The following PCDH9 variants were observed in gnomAD, a reference collection of about 807,000 sequenced individuals.
PCDH9 encodes protocadherin 9.
Under a neutral mutation model 70.6 loss-of-function variants are expected in PCDH9, and 24 were observed. The observed-to-expected ratio is 0.34, with a 90% CI of 0.25 to 0.48. The LOEUF is 0.48. Ranked by LOEUF, PCDH9 falls within the 20% of genes least tolerant of loss-of-function variation. The pLI, the probability that PCDH9 is intolerant of heterozygous loss-of-function variation, is 0.99. For missense variants in PCDH9, 1,281 were observed against 1,503.6 expected, an observed-to-expected ratio of 0.85 and a Z score of 2.45; for synonymous variants, 562 against 558.5, an observed-to-expected ratio of 1.01 and a Z score of -0.09.
chr13:66,538,489 A>G (rs1960803032), intron 4 of PCDH9, among the ~76,000 whole-genome samples: 1 of 152,144 alleles, frequency 6.6e-6, no homozygotes, highest in Non-Finnish European at 1.5e-5. Context: ...AACCAACAGG[A>G]CATATATACA....
intron 4 of PCDH9, among the ~76,000 whole-genome samples, chr13:66,545,066 A>T (rs1235283446): frequency 6.6e-6 from 1 of 152,146 alleles, no homozygotes; most frequent in Non-Finnish European, 1.5e-5. Context: ...GTTCAAGCAA[A>T]CCTAGATGTC....
intron 4 of PCDH9, among the ~76,000 whole-genome samples, chr13:66,572,947 G>T (rs963151695): frequency 6.6e-6 from 1 of 151,854 alleles, no homozygotes; most frequent in African/African-American, 2.4e-5. Context: ...TTTTGTAGCG[G>T]GGACTCATGA....
At chr13:67,142,046 TG>T (rs1199897147) in intron 2 of PCDH9, among the ~76,000 whole-genome samples, 4 of 152,168 alleles carry the variant, frequency 2.6e-5, no homozygotes, top group African/African-American at 9.7e-5. Context: ...GTGGTGTTGG[TG>T]ACTGCTATTT....
At chr13:66,688,807 A>G (rs538423441) in intron 3 of PCDH9, among the ~76,000 whole-genome samples, 8 of 152,186 alleles carry the variant, frequency 5.3e-5, no homozygotes, top group Middle Eastern at 3.4e-3. Context: ...CTATTACCTC[A>G]TTTCCCTTCC....
At chr13:67,155,148 C>G (rs1372287360) in intron 2 of PCDH9, among the ~76,000 whole-genome samples, 1 of 152,142 alleles carries the variant, frequency 6.6e-6, no homozygotes, top group Non-Finnish European at 1.5e-5. Context: ...CCAATTTGCC[C>G]TTTTAAACTT....
chr13:66,604,932 C>A (rs2077205001), intron 4 of PCDH9, among the ~76,000 whole-genome samples: 1 of 151,866 alleles, frequency 6.6e-6, no homozygotes, highest in African/African-American at 2.4e-5. Context: ...AAAATTCCAG[C>A]TACATAAAGT....
intron 4 of PCDH9, among the ~76,000 whole-genome samples, chr13:66,597,016 T>A (rs1259948435): frequency 1.3e-5 from 2 of 151,656 alleles, no homozygotes; most frequent in African/African-American, 4.8e-5. Flanking sequence ...CCAATTGACT[T>A]AGTATCATTT....
intron 2 of PCDH9, among the ~76,000 whole-genome samples, chr13:67,125,512 T>C (rs2086959617): frequency 6.6e-6 from 1 of 151,956 alleles, no homozygotes; most frequent in Non-Finnish European, 1.5e-5. Context: ...TACAGAAAAA[T>C]CACAGCATAA....
intron 2 of PCDH9, among the ~76,000 whole-genome samples, chr13:67,127,145 T>G (rs4883795): frequency 0.23 from 35,338 of 152,064 alleles, 4,219 homozygotes; most frequent in Middle Eastern, 0.28. Context: ...AATAGTAAAT[T>G]AATTGAATTG....
At chr13:66,806,113 T>A (rs1485851548) in intron 3 of PCDH9, among the ~76,000 whole-genome samples, 1 of 152,188 alleles carries the variant, frequency 6.6e-6, no homozygotes, top group East Asian at 1.9e-4. Context: ...TGTGAATAGA[T>A]CTACATCTCT....
At chr13:66,543,842 A>G (rs1217796735) in intron 4 of PCDH9, among the ~76,000 whole-genome samples, 2 of 152,184 alleles carry the variant, frequency 1.3e-5, no homozygotes, top group Non-Finnish European at 2.9e-5. Flanking sequence ...GAGATCATGG[A>G]GACTGAAATT....
chr13:66,383,546 T>G (rs1223625545), intron 4 of PCDH9, among the ~76,000 whole-genome samples: 1 of 152,178 alleles, frequency 6.6e-6, no homozygotes, highest in African/African-American at 2.4e-5. Flanking sequence ...CACATCTAGA[T>G]CTCAGCCAAA....
intron 4 of PCDH9, among the ~76,000 whole-genome samples, chr13:66,452,409 A>G (rs1003374305): frequency 6.6e-6 from 1 of 152,126 alleles, no homozygotes. Flanking sequence ...CATTTTCCCC[A>G]TAGCCCAAAC....
rs1363302275 is a variant in PCDH9, at chr13:67,093,477, A to G, written c.3036+131928T>C. ...CTCAAATAATAATAATAATAAGTAA[A>G]TAAATAAACGAGCAAAATTAAGATT... On this transcript the variant is annotated intron_variant, in intron 2 of 4. Coordinates refer to ENST00000377865, the MANE Select transcript of PCDH9 (RefSeq NM_203487.3). Among the ~76,000 whole-genome samples, 17 of 152,090 alleles carry G rather than the reference A, an allele frequency of 1.1e-4. 1 individual carries two copies. Among genetic ancestry groups the G allele is most frequent in the Admixed American group, 1.1e-3 (17 of 15,246 alleles).
At chr13:67,153,100 C>A (rs889041976) in intron 2 of PCDH9, among the ~76,000 whole-genome samples, 4 of 151,806 alleles carry the variant, frequency 2.6e-5, no homozygotes, top group Non-Finnish European at 4.4e-5. Flanking sequence ...ACCTGGATGG[C>A]CTTATGACCC....
At chr13:66,330,668 G>A (rs905099688) in intron 4 of PCDH9, among the ~76,000 whole-genome samples, 2 of 152,092 alleles carry the variant, frequency 1.3e-5, no homozygotes, top group African/African-American at 2.4e-5. Context: ...AATTTTTCTG[G>A]TATAGTAGAG....
rs2089864631 is a variant in PCDH9 at position 67,226,161 on chromosome 13, G to T, written c.2280C>A (p.Tyr760Ter). 6.2e-7 allele frequency: 1 copy of T among 1,614,002 alleles called. No individual in the cohort carries two copies. The highest frequency in any genetic ancestry group is 1.3e-5 in the African/African-American group (1 of 74,906). Residue 760 changes from tyrosine (Y) to a stop codon, truncating the protein, a stop_gained, in exon 2 of 5, where the codon TAC becomes TAA. Coordinates refer to ENST00000377865, the MANE Select transcript of PCDH9 (RefSeq NM_203487.3). LOFTEE classifies it high-confidence loss of function. This position sits in a 1 kb window ranked among gnomAD's most constrained non-coding sequence, Gnocchi z 5.0. ...RLVVNISDLG[Y>*]PKSLHTLVLV... ...GCACAAGCGTGTGCAAAGACTTAGG[G>T]TACCCCAGGTCACTTATGTTGACCA...
intron 4 of PCDH9, among the ~76,000 whole-genome samples, chr13:66,461,515 T>TAA (rs200681049): frequency 6.9e-6 from 1 of 144,032 alleles, no homozygotes; most frequent in African/African-American, 2.6e-5. Context: ...TCTAATCCAT[T>TAA]AAAAAAAAAC....
intron 3 of PCDH9, among the ~76,000 whole-genome samples, chr13:66,639,692 C>T (rs1378943762): frequency 1.3e-5 from 2 of 152,144 alleles, no homozygotes; most frequent in Non-Finnish European, 2.9e-5. Context: ...AAAGAAAGTT[C>T]TGAATCAACT....
Sources: allele counts gnomAD v4.1 joint callset (sites outside exome capture counted in the v4.1 genomes callset), GRCh38; gene constraint gnomAD v4.1.1; non-coding constraint Gnocchi (gnomAD v3.1); transcripts MANE v1.5; gene names NCBI Gene and HGNC (gene_info 2026-07-23, HGNC 2026-07-21).